CNTN1: variants seen among roughly 807,000 people sequenced by gnomAD.
The protein encoded by CNTN1 is contactin-1.
A neutral mutation model predicts 126.4 loss-of-function variants in CNTN1; 38 were observed. The observed-to-expected ratio is 0.30, with a 90% CI of 0.23 to 0.39. The LOEUF (loss-of-function observed/expected upper bound fraction) is 0.39, where lower values mean the gene tolerates loss of function less well. Ranked by LOEUF, CNTN1 falls within the 10% of genes least tolerant of loss-of-function variation. The pLI, the probability that CNTN1 is intolerant of heterozygous loss-of-function variation, is 1.00. For synonymous variants in CNTN1, 413 were observed against 422.6 expected (o/e 0.98, Z 0.28); for missense variants, 1,009 against 1,248.4 (o/e 0.81, Z 2.89).
intron 1 of CNTN1, among the ~76,000 whole-genome samples, chr12:40,867,275 A>C (rs775710834): frequency 2.0e-5 from 3 of 152,156 alleles, no homozygotes; most frequent in Non-Finnish European, 4.4e-5. Context: ...CTGCATCCAT[A>C]CATGCCCCTA....
chr12:40,725,636 A>G (rs540767036), intron 1 of CNTN1, among the ~76,000 whole-genome samples: 1 of 152,230 alleles, frequency 6.6e-6, no homozygotes, highest in East Asian at 1.9e-4. Flanking sequence ...ATAGGAGAGT[A>G]GAATCTAATT....
chr12:40,745,055 C>T (rs765951379), intron 1 of CNTN1, among the ~76,000 whole-genome samples: 1 of 152,024 alleles, frequency 6.6e-6, no homozygotes, highest in Admixed American at 6.6e-5. Flanking sequence ...TCATAATCAC[C>T]GTATTTAGCA....
intron 15 of CNTN1, among the ~76,000 whole-genome samples, chr12:40,980,448 C>CA (rs5797694): frequency 0.51 from 65,182 of 128,256 alleles, 15,502 homozygotes; most frequent in Middle Eastern, 0.59. Flanking sequence ...GACCCTAACT[C>CA]AAAAAAAAAA....
intron 14 of CNTN1, among the ~76,000 whole-genome samples, chr12:40,952,672 T>A (rs1946732531): frequency 6.6e-6 from 1 of 152,140 alleles, no homozygotes; most frequent in Admixed American, 6.6e-5. Flanking sequence ...TTCGCATGTA[T>A]ATTTATAACA....
chr12:40,902,801 A>G (rs549848453), intron 1 of CNTN1, among the ~76,000 whole-genome samples: 37 of 152,314 alleles, frequency 2.4e-4, no homozygotes, highest in Admixed American at 9.8e-4. Flanking sequence ...ATAATAATTT[A>G]TTTGGACTAT....
At chr12:41,009,621 C>A (rs935514280) in intron 17 of CNTN1, among the ~76,000 whole-genome samples, 56 of 152,162 alleles carry the variant, frequency 3.7e-4, no homozygotes, top group African/African-American at 1.3e-3. Context: ...TCTTCATTCC[C>A]CATTGAGTTT....
chr12:40,921,166 C>T (rs1286875334), intron 4 of CNTN1, among the ~76,000 whole-genome samples: 2 of 152,128 alleles, frequency 1.3e-5, no homozygotes, highest in African/African-American at 4.8e-5. Flanking sequence ...TAAATTATCT[C>T]CTATACTGCG....
intron 12 of CNTN1, among the ~76,000 whole-genome samples, chr12:40,943,278 G>A (rs1031795788): frequency 1.3e-5 from 2 of 152,068 alleles, no homozygotes; most frequent in Non-Finnish European, 2.9e-5. Flanking sequence ...GAAGTCCTGA[G>A]GTTACATTTC....
chr12:40,897,220 A>C (rs35582145), intron 1 of CNTN1, among the ~76,000 whole-genome samples: 5,103 of 152,256 alleles, frequency 0.034, 117 homozygotes, highest in Middle Eastern at 0.12. Flanking sequence ...TCAAATTGAC[A>C]TTTGTATTGT....
chr12:41,066,153 T>G (rs1334772019), intron 23 of CNTN1, among the ~76,000 whole-genome samples: 1 of 152,230 alleles, frequency 6.6e-6, no homozygotes, highest in Non-Finnish European at 1.5e-5. Context: ...GGAGGACTCC[T>G]GGACTGAGTA....
At chr12:40,964,684 G>A (rs1325673010) in intron 15 of CNTN1, among the ~76,000 whole-genome samples, 1 of 151,798 alleles carries the variant, frequency 6.6e-6, no homozygotes, top group African/African-American at 2.4e-5. Flanking sequence ...CTAATGACGT[G>A]GTTACCAGAT....
intron 23 of CNTN1, chr12:41,061,686 G>T: frequency 2.5e-6 from 1 of 397,704 alleles, no homozygotes; most frequent in Non-Finnish European, 5.0e-6. Flanking sequence ...ATATATTATG[G>T]TTTGCCTAGA....
At chr12:40,945,036 A>T (rs1946386462) in intron 14 of CNTN1, among the ~76,000 whole-genome samples, 1 of 152,118 alleles carries the variant, frequency 6.6e-6, no homozygotes, top group African/African-American at 2.4e-5. Context: ...ATATGTACAC[A>T]TTATTATATT....
At chr12:40,881,762 G>C (rs1470876831) in intron 1 of CNTN1, among the ~76,000 whole-genome samples, 1 of 151,626 alleles carries the variant, frequency 6.6e-6, no homozygotes, top group Non-Finnish European at 1.5e-5. Context: ...TGGGTTTACC[G>C]TTTTGTCTAA....
intron 20 of CNTN1, among the ~76,000 whole-genome samples, chr12:41,021,444 T>G (rs968066865): frequency 6.6e-6 from 1 of 152,102 alleles, no homozygotes; most frequent in African/African-American, 2.4e-5. Flanking sequence ...ATTGTTCTAT[T>G]CTCAGTGCCA....
In CNTN1 at chr12:40,983,879, T is replaced by TA. The variant is rs1394804636; in HGVS notation, c.1963+2812_1963+2813insA. 1.4e-3 allele frequency among the ~76,000 whole-genome samples: 96 copies of TA among 67,196 alleles called. 9 individuals are homozygous for TA. The highest frequency in any genetic ancestry group is 6.5e-3 in the African/African-American group (93 of 14,274). The allele number at this position is 67,196 out of a possible 152,430, so 44.1% of individuals were successfully genotyped here. On this transcript the variant is annotated intron_variant, in intron 16 of 23. Coordinates refer to ENST00000551295, the MANE Select transcript of CNTN1 (RefSeq NM_001843.4). Reference sequence around the variant, plus strand: ...TATATGCTATTATAGCATATTTTATTTTATGCTATTATAGCATATTTTATT... The same window carrying TA: ...TATATGCTATTATAGCATATTTTATTATTATGCTATTATAGCATATTTTATT...
chr12:40,983,972 G>A (rs1017282281), intron 16 of CNTN1, among the ~76,000 whole-genome samples: 1 of 145,102 alleles, frequency 6.9e-6, no homozygotes, highest in African/African-American at 2.5e-5. Context: ...TGCTATAATA[G>A]CATATAATAT....
At chr12:41,045,024 T>C (rs1949510418) in intron 23 of CNTN1, among the ~76,000 whole-genome samples, 1 of 152,064 alleles carries the variant, frequency 6.6e-6, no homozygotes. Flanking sequence ...TATGAAGAAT[T>C]TTAATTATTG....
intron 17 of CNTN1, among the ~76,000 whole-genome samples, chr12:40,995,501 T>G (rs1948191025): frequency 6.6e-6 from 1 of 151,996 alleles, no homozygotes; most frequent in Non-Finnish European, 1.5e-5. Flanking sequence ...AATAATAGAG[T>G]ATTTCCTGCT....
Sources: gnomAD v4.1 joint callset for allele counts (sites outside exome capture counted in the v4.1 genomes callset) on GRCh38, gnomAD v4.1.1 for gene constraint, MANE v1.5 for transcripts, NCBI Gene and HGNC (gene_info 2026-07-23, HGNC 2026-07-21) for gene names.